GPC6: variants seen among roughly 807,000 people sequenced by gnomAD.
GPC6 encodes the protein glypican-6.
Under a neutral mutation model 55.2 loss-of-function variants are expected in GPC6, and 14 were observed. The ratio of observed to expected loss-of-function variants is 0.25; its 90% confidence interval spans 0.17 to 0.40. GPC6 has a LOEUF of 0.40. GPC6 is among the 10% of genes least tolerant of loss of function. The pLI, the probability that GPC6 is intolerant of heterozygous loss-of-function variation, is 1.00. For synonymous variants in GPC6, 278 were observed against 259.6 expected (o/e 1.07, Z -0.68); for missense variants, 641 against 708.5 (o/e 0.90, Z 1.08).
intron 1 of GPC6, among the ~76,000 whole-genome samples, chr13:93,360,389 G>C (rs890184611): frequency 6.6e-6 from 1 of 152,174 alleles, no homozygotes; most frequent in South Asian, 2.1e-4. Context: ...CAGGGCGTGA[G>C]AGTGAATTTG....
At chr13:94,379,486 C>T (rs7331837) in intron 6 of GPC6, among the ~76,000 whole-genome samples, 41,437 of 152,128 alleles carry the variant, frequency 0.27, 5,961 homozygotes, top group Middle Eastern at 0.37. Context: ...ACATCCCCAT[C>T]ATCGCGACGG....
chr13:94,143,147 GAA>G (rs199930226), intron 4 of GPC6, among the ~76,000 whole-genome samples: 1 of 144,418 alleles, frequency 6.9e-6, no homozygotes. Context: ...ACCTTTTAAT[GAA>G]AAAAAAAAAG....
chr13:94,370,667 A>G (rs1209207637), intron 6 of GPC6, among the ~76,000 whole-genome samples: 1 of 152,214 alleles, frequency 6.6e-6, no homozygotes, highest in Non-Finnish European at 1.5e-5. Flanking sequence ...GATTTAAAAT[A>G]TATGGTATGA....
chr13:93,326,833 G>T (rs528218650), intron 1 of GPC6, among the ~76,000 whole-genome samples: 2 of 152,084 alleles, frequency 1.3e-5, no homozygotes, highest in African/African-American at 2.4e-5. Flanking sequence ...TTTAAATACT[G>T]TGCTTCTGTG....
intron 4 of GPC6, among the ~76,000 whole-genome samples, chr13:94,232,069 C>T (rs545896772): frequency 1.3e-5 from 2 of 152,140 alleles, no homozygotes; most frequent in Non-Finnish European, 2.9e-5. Context: ...AAAACAACAC[C>T]GAAAAATATA....
chr13:93,241,602 C>A (rs528677164), intron 1 of GPC6, among the ~76,000 whole-genome samples: 15 of 152,006 alleles, frequency 9.9e-5, no homozygotes, highest in Non-Finnish European at 2.1e-4. Context: ...TTTTGACTTC[C>A]TCTTGGATCT....
intron 4 of GPC6, among the ~76,000 whole-genome samples, chr13:94,225,448 G>T (rs996052301): frequency 3.3e-5 from 5 of 151,958 alleles, no homozygotes; most frequent in African/African-American, 1.2e-4. Context: ...TCAAACTGAT[G>T]TCTTATCCTT....
intron 2 of GPC6, among the ~76,000 whole-genome samples, chr13:93,812,027 C>T (rs1265313780): frequency 1.3e-5 from 2 of 151,766 alleles, no homozygotes; most frequent in Non-Finnish European, 2.9e-5. Context: ...TTTATATATT[C>T]AGTGAAGTGG....
intron 3 of GPC6, among the ~76,000 whole-genome samples, chr13:93,839,040 GT>G (rs1887850439): frequency 6.6e-6 from 1 of 152,132 alleles, no homozygotes; most frequent in South Asian, 2.1e-4. Context: ...CCTCCTGAAA[GT>G]AAAGAGAGAG....
rs1881310243 is a variant in GPC6, at chr13:94,405,022, C to T, written c.*1805C>T. 1.3e-5 allele frequency: 2 copies of T among 152,116 alleles called. No individual in the cohort carries two copies. Among genetic ancestry groups the T allele is most frequent in the African/African-American group, 4.8e-5 (2 of 41,422 alleles). The allele number at this position is 152,116 out of a possible 1,614,324, so 9.4% of individuals were successfully genotyped here. A position where few individuals can be genotyped will look rare whatever the true frequency, so the allele number is the denominator to read the frequency against. The stretch of plus-strand genomic sequence containing the variant: ...AATTAACTCATCGACAGTATTGACA[C>T]GTAAATGGTATTTTTCAATCTGTTC... On this transcript the variant is annotated 3_prime_UTR_variant, in exon 9 of 9. Transcript: ENST00000377047.
At chr13:94,160,435 A>G (rs921521861) in intron 4 of GPC6, among the ~76,000 whole-genome samples, 1 of 152,234 alleles carries the variant, frequency 6.6e-6, no homozygotes, top group Non-Finnish European at 1.5e-5. Context: ...AGGGCCAGCT[A>G]CATAATTTTT....
intron 5 of GPC6, among the ~76,000 whole-genome samples, chr13:94,288,934 G>GATATATTTGTTATATATATAACAAAT (rs1566638385): frequency 1.6e-4 from 4 of 25,462 alleles, no homozygotes; most frequent in Non-Finnish European, 1.8e-4. Flanking sequence ...AACAAATATA[G>GATATATTTGTTATATATATAACAAAT]ATAGATAGAT....
chr13:93,955,919 T>A (rs1044305958), intron 3 of GPC6, among the ~76,000 whole-genome samples: 4 of 152,172 alleles, frequency 2.6e-5, no homozygotes, highest in African/African-American at 4.8e-5. Flanking sequence ...CCCTCTTTTT[T>A]CCCTTGTGTG....
At chr13:93,783,059 G>A (rs1885705974) in intron 2 of GPC6, among the ~76,000 whole-genome samples, 1 of 152,124 alleles carries the variant, frequency 6.6e-6, no homozygotes, top group East Asian at 1.9e-4. Context: ...TCTTATAAGT[G>A]AGAACATACA....
chr13:93,726,787 A>G (rs1313436974), intron 2 of GPC6, among the ~76,000 whole-genome samples: 2 of 152,076 alleles, frequency 1.3e-5, no homozygotes, highest in African/African-American at 4.8e-5. Context: ...ACATTCTTCC[A>G]ATACAAGGAC....
At chr13:94,248,611 G>GT (rs1413120394) in intron 4 of GPC6, among the ~76,000 whole-genome samples, 5 of 151,734 alleles carry the variant, frequency 3.3e-5, no homozygotes, top group Admixed American at 2.6e-4. Flanking sequence ...CCTTCATATA[G>GT]GACCCTCTAG....
intron 3 of GPC6, among the ~76,000 whole-genome samples, chr13:93,939,228 G>C (rs1284079860): frequency 6.6e-6 from 1 of 151,468 alleles, no homozygotes; most frequent in Non-Finnish European, 1.5e-5. Context: ...GAATAGTTTA[G>C]ATTGTCAAAA....
At chr13:93,228,710 C>T (rs994870748) in intron 1 of GPC6, among the ~76,000 whole-genome samples, 2 of 152,178 alleles carry the variant, frequency 1.3e-5, no homozygotes, top group African/African-American at 4.8e-5. Flanking sequence ...GCGGGCTGCT[C>T]AAACCGGGCA....
rs557091578 is a variant in GPC6, at chr13:93,912,697, T to C, written c.711+82152T>C. ...GGCAGAGCTTGCAGTGAGCCGAGAT[T>C]GCGCCACTGCACTCCAGCCTGGGCG... On this transcript the variant is annotated intron_variant, in intron 3 of 8. Coordinates refer to ENST00000377047, the MANE Select transcript of GPC6 (RefSeq NM_005708.5). Among the ~76,000 whole-genome samples, 99 of 152,136 alleles carry C rather than the reference T, an allele frequency of 6.5e-4. 2 individuals carry two copies. The South Asian group carries it at 0.01, about 16-fold the overall frequency.
Sources: allele counts gnomAD v4.1 joint callset (sites outside exome capture counted in the v4.1 genomes callset), GRCh38; gene constraint gnomAD v4.1.1; transcripts MANE v1.5; gene names NCBI Gene and HGNC (gene_info 2026-07-23, HGNC 2026-07-21).